The following FUBP1 variants were observed in gnomAD, a reference collection of about 807,000 sequenced individuals.
FUBP1 encodes far upstream element binding protein 1, also known as far upstream element-binding protein 1.
Under a neutral mutation model 94.9 loss-of-function variants are expected in FUBP1, and 16 were observed. That is an observed-to-expected ratio of 0.17 (90% CI 0.11 to 0.26). The LOEUF is 0.26. Ranked by LOEUF, FUBP1 falls within the 10% of genes least tolerant of loss-of-function variation. FUBP1 has a pLI of 1.00. For missense variants in FUBP1, 583 were observed against 808.6 expected, an observed-to-expected ratio of 0.72 and a Z score of 3.38; for synonymous variants, 279 against 254.9, an observed-to-expected ratio of 1.09 and a Z score of -0.90.
At chr1:77,960,826 C>T (rs1052035162) in intron 14 of FUBP1, 1 of 229,410 alleles carries the variant, frequency 4.4e-6, no homozygotes, top group Non-Finnish European at 8.5e-6. Flanking sequence ...CTTTTTCCAT[C>T]TTACTCACAG....
chr1:77,962,956 C>G (rs767623376), intron 13 of FUBP1, 26 bp from the exon 14 acceptor site: 1 of 1,584,396 alleles, frequency 6.3e-7, no homozygotes, highest in South Asian at 1.1e-5. Context: ...AGTAATTTCT[C>G]TAAAGGTTTC....
Position 77,946,384 on chromosome 1 carries a change from C to A in FUBP1, c.*2382G>T, listed in dbSNP as rs1416130585. ...GTTGCTTTAACAACTTACAGACTTT[C>A]CACTAAGATGGTAGCATAAAATAAC... On this transcript the variant is annotated 3_prime_UTR_variant, in exon 20 of 20. Coordinates refer to ENST00000370768, the MANE Select transcript of FUBP1 (RefSeq NM_003902.5). 5.1e-6 allele frequency: 1 copy of A among 195,342 alleles called. No individual in the cohort carries two copies. 12.1% of individuals were successfully genotyped at this position (195,342 alleles called of 1,614,324 possible).
chr1:77,950,103 A>G (rs1439792472), intron 18 of FUBP1, among the ~76,000 whole-genome samples: 1 of 152,234 alleles, frequency 6.6e-6, no homozygotes, highest in Non-Finnish European at 1.5e-5. Context: ...ACAGACGACA[A>G]AAGACATATT....
intron 14 of FUBP1, among the ~76,000 whole-genome samples, chr1:77,961,223 T>C (rs184387446): frequency 3.3e-5 from 5 of 152,348 alleles, no homozygotes; most frequent in Admixed American, 1.3e-4. Flanking sequence ...TACACTTAAC[T>C]GTCCTAAAAT....
Position 77,948,539 on chromosome 1 carries a change from C to A in FUBP1, c.*227G>T. The A allele has an allele frequency of 7.7e-7, 1 of 1,300,424 alleles. No homozygotes were observed. 80.6% of individuals were successfully genotyped at this position (1,300,424 alleles called of 1,614,324 possible). Reference sequence around the variant, plus strand: ...ACATTTGCTGGAATGTGTACATCTACACTAAATACTAAAAACAAACCAATT... The same window carrying A: ...ACATTTGCTGGAATGTGTACATCTAAACTAAATACTAAAAACAAACCAATT... On this transcript the variant is annotated 3_prime_UTR_variant, in exon 20 of 20. Transcript: ENST00000370768.
chr1:77,961,312 CT>C (rs1655437687), intron 14 of FUBP1, among the ~76,000 whole-genome samples: 1 of 152,198 alleles, frequency 6.6e-6, no homozygotes, highest in South Asian at 2.1e-4. Flanking sequence ...AAATTTCTCA[CT>C]GCAAAATAGG....
intron 18 of FUBP1, among the ~76,000 whole-genome samples, chr1:77,952,488 T>C (rs1653668179): frequency 6.6e-6 from 1 of 152,106 alleles, no homozygotes; most frequent in Non-Finnish European, 1.5e-5. Context: ...GCCTGCCTAG[T>C]TTGGCAAAAG....
chr1:77,958,254 A>G (rs981688427), intron 16 of FUBP1, among the ~76,000 whole-genome samples: 11 of 152,220 alleles, frequency 7.2e-5, no homozygotes, highest in Non-Finnish European at 2.9e-5. Flanking sequence ...AGTATGTACT[A>G]AGAATTTACT....
chr1:77,977,568 G>A (rs986061669), intron 1 of FUBP1, among the ~76,000 whole-genome samples: 1 of 152,148 alleles, frequency 6.6e-6, no homozygotes, highest in Non-Finnish European at 1.5e-5. Context: ...TACAGTGTGC[G>A]ATACCAATTA....
chr1:77,952,236 C>T (rs1165732421), intron 18 of FUBP1, among the ~76,000 whole-genome samples: 4 of 151,556 alleles, frequency 2.6e-5, no homozygotes, highest in Non-Finnish European at 4.4e-5. Flanking sequence ...AAGGCTCCAT[C>T]TCAAAAAAAT....
chr1:77,957,845 G>A (rs1455107783), intron 16 of FUBP1, among the ~76,000 whole-genome samples: 2 of 144,856 alleles, frequency 1.4e-5, no homozygotes, highest in Non-Finnish European at 3.0e-5. Context: ...TTGAGATGAA[G>A]TGTCTCACTC....
intron 18 of FUBP1, among the ~76,000 whole-genome samples, chr1:77,951,238 G>T (rs753901848): frequency 1.3e-4 from 20 of 152,144 alleles, no homozygotes; most frequent in Non-Finnish European, 2.6e-4. Flanking sequence ...GTAGAAACAG[G>T]CATATGCATC....
In FUBP1 at chr1:77,946,066, TA is replaced by T. The variant is rs1652085371; in HGVS notation, c.*2699del. 6.6e-6 allele frequency among the ~76,000 whole-genome samples: 1 copy of T among 151,930 alleles called. No individual in the cohort carries two copies. Among genetic ancestry groups the T allele is most frequent in the Admixed American group, 6.6e-5 (1 of 15,256 alleles). On this transcript the variant is annotated 3_prime_UTR_variant, in exon 20 of 20. Coordinates refer to ENST00000370768, the MANE Select transcript of FUBP1 (RefSeq NM_003902.5). ...ACCCATAATATCCTTACTGAATTAT[TA>T]TAGTTTAAGAATAAGAAAAAAATAA... is the stretch of plus-strand genomic sequence containing the variant.
At chr1:77,977,525 C>CAAACA (rs374439256) in intron 1 of FUBP1, among the ~76,000 whole-genome samples, 4,111 of 152,246 alleles carry the variant, frequency 0.027, 94 homozygotes, top group South Asian at 0.11. Flanking sequence ...GACTCCGTCT[C>CAAACA]AAACAAAACA....
At chr1:77,957,735 G>A (rs1654730539) in intron 16 of FUBP1, among the ~76,000 whole-genome samples, 1 of 151,870 alleles carries the variant, frequency 6.6e-6, no homozygotes. Flanking sequence ...GTGTTATTAG[G>A]ACACCTGCCA....
At position 77,948,108 on chromosome 1, in the gene FUBP1, A is replaced by C. The variant is rs1652559528; in HGVS notation, c.*658T>G. On this transcript the variant is annotated 3_prime_UTR_variant, in exon 20 of 20. Transcript: ENST00000370768. ...GTGGTCATGTATAAAAGGAAATTTC[A>C]CTGTTAATGCAATGGAAGTATGCCA... The C allele has an allele frequency of 9.7e-7, 1 of 1,036,232 alleles. No individual in the cohort carries two copies. The highest frequency in any genetic ancestry group is 1.2e-6 in the Non-Finnish European group (1 of 860,412). The allele number at this position is 1,036,232 out of a possible 1,614,324, so 64.2% of individuals were successfully genotyped here.
chr1:77,965,290 G>A (rs1194415660), intron 7 of FUBP1, 59 bp from the exon 8 acceptor site: 4 of 1,198,162 alleles, frequency 3.3e-6, no homozygotes, highest in Non-Finnish European at 4.8e-6. Flanking sequence ...TATTCAAATA[G>A]AGAAATATAA....
chr1:77,969,656 T>G (rs1657147410), intron 2 of FUBP1, among the ~76,000 whole-genome samples: 1 of 152,080 alleles, frequency 6.6e-6, no homozygotes, highest in South Asian at 2.1e-4. Context: ...GTGCAAACTT[T>G]CAATCTGGCA....
At chr1:77,979,360 G>A (rs1659394623), upstream of FUBP1, 1 of 248,958 alleles carries the variant, frequency 4.0e-6, no homozygotes. Flanking sequence ...GACTGTGTTT[G>A]GGTGGTGGGA....
Sources: allele counts gnomAD v4.1 joint callset (sites outside exome capture counted in the v4.1 genomes callset), GRCh38; gene constraint gnomAD v4.1.1; transcripts MANE v1.5; gene names NCBI Gene and HGNC (gene_info 2026-07-23, HGNC 2026-07-21).